KMT2C: variants seen among roughly 807,000 people sequenced by gnomAD.
KMT2C encodes lysine methyltransferase 2C.
Under a neutral mutation model 507.9 loss-of-function variants are expected in KMT2C, and 88 were observed. The observed-to-expected ratio is 0.17, with a 90% CI of 0.15 to 0.21. The LOEUF (loss-of-function observed/expected upper bound fraction) is 0.21. KMT2C is among the 10% of genes least tolerant of loss of function. KMT2C has a pLI of 1.00. For synonymous variants in KMT2C, 2,049 were observed against 2,080.8 expected (o/e 0.98, Z 0.42); for missense variants, 4,954 against 5,957.8 (o/e 0.83, Z 5.55).
At chr7:152,279,341 C>T (rs968887399) in intron 6 of KMT2C, among the ~76,000 whole-genome samples, 1 of 152,034 alleles carries the variant, frequency 6.6e-6, no homozygotes, top group Admixed American at 6.5e-5. Context: ...TAGCTTCAAA[C>T]ATGCAAAACT....
intron 4 of KMT2C, among the ~76,000 whole-genome samples, chr7:152,313,896 A>AC (rs1191134179): frequency 6.6e-6 from 1 of 152,134 alleles, no homozygotes. Flanking sequence ...AGGAAATGAA[A>AC]CCAATTCCAT....
chr7:152,200,953 C>T (rs1246908177), intron 26 of KMT2C, among the ~76,000 whole-genome samples: 1 of 152,034 alleles, frequency 6.6e-6, no homozygotes, highest in Non-Finnish European at 1.5e-5. Context: ...ATTCACAAAA[C>T]TAGAATACCA....
rs189176810 is a variant in KMT2C, at chr7:152,316,403, A to G, written c.390-1065T>C. On this transcript the variant is annotated intron_variant, in intron 3 of 58. Transcript: ENST00000262189. Reference sequence around the variant, plus strand: ...GTAAACCTAAAAATGCTCTAAGTCTATTAATAAAAAAGGAGAAAACATTAA... The same window carrying G: ...GTAAACCTAAAAATGCTCTAAGTCTGTTAATAAAAAAGGAGAAAACATTAA... Among the ~76,000 whole-genome samples, 328 of 152,308 alleles carry G rather than the reference A, an allele frequency of 2.2e-3. 3 individuals are homozygous for G. The highest frequency in any genetic ancestry group is 0.01 in the Middle Eastern group (3 of 294).
intron 13 of KMT2C, among the ~76,000 whole-genome samples, 197 bp downstream of exon 13, chr7:152,249,673 CAAAAAA>C (rs1183345172): frequency 0.015 from 522 of 34,524 alleles, 12 homozygotes; most frequent in African/African-American, 0.033. Context: ...CTCCCCCCTC[CAAAAAA>C]AAAAAAAAAA....
At chr7:152,185,220 T>C (rs1489576610) in intron 34 of KMT2C, among the ~76,000 whole-genome samples, 2 of 152,218 alleles carry the variant, frequency 1.3e-5, no homozygotes, top group Non-Finnish European at 2.9e-5. Context: ...CCATGGTTGG[T>C]TGAATCCACA....
chr7:152,277,486 A>T (rs2096104857), intron 6 of KMT2C, among the ~76,000 whole-genome samples: 1 of 152,220 alleles, frequency 6.6e-6, no homozygotes, highest in South Asian at 2.1e-4. Flanking sequence ...CATTTAATTA[A>T]GCATAATCCT....
At chr7:152,375,948 GT>G (rs2097326117) in intron 1 of KMT2C, among the ~76,000 whole-genome samples, 1 of 152,002 alleles carries the variant, frequency 6.6e-6, no homozygotes, top group African/African-American at 2.4e-5. Context: ...TCATCGGTAG[GT>G]GGGACAACAG....
At chr7:152,226,160 A>G (rs941494076) in intron 18 of KMT2C, among the ~76,000 whole-genome samples, 1 of 149,224 alleles carries the variant, frequency 6.7e-6, no homozygotes, top group East Asian at 2.1e-4. Flanking sequence ...AAAGATTAAA[A>G]GCGACTGCCT....
At chr7:152,155,829 G>A in intron 46 of KMT2C, 81 bp downstream of exon 46, 1 of 1,335,168 alleles carries the variant, frequency 7.5e-7, no homozygotes, top group South Asian at 1.4e-5. Context: ...TATTCCTAAA[G>A]ACATTATGCC....
intron 3 of KMT2C, among the ~76,000 whole-genome samples, chr7:152,321,724 G>GA (rs2096774659): frequency 6.6e-6 from 1 of 151,744 alleles, no homozygotes; most frequent in Non-Finnish European, 1.5e-5. Flanking sequence ...GGAGGTAAAA[G>GA]ACCTGTATAC....
intron 6 of KMT2C, among the ~76,000 whole-genome samples, chr7:152,279,010 T>A (rs372600705): frequency 6.6e-6 from 1 of 152,214 alleles, no homozygotes; most frequent in African/African-American, 2.4e-5. Flanking sequence ...GAAAACATTC[T>A]ATTCAAATAT....
At chr7:152,330,858 T>C in intron 2 of KMT2C, 119 bp from the exon 3 acceptor site, 1 of 934,834 alleles carries the variant, frequency 1.1e-6, no homozygotes, top group Non-Finnish European at 1.6e-6. Context: ...TAACAATATT[T>C]CACTAACACA....
At chr7:152,368,390 C>A (rs1379139718) in intron 1 of KMT2C, 1 of 1,106,250 alleles carries the variant, frequency 9.0e-7, no homozygotes, top group Non-Finnish European at 1.3e-6. Flanking sequence ...AGGGAGTATG[C>A]AGCTAAAATG....
chr7:152,395,769 C>T (rs567464180), intron 1 of KMT2C, among the ~76,000 whole-genome samples: 3 of 152,226 alleles, frequency 2.0e-5, no homozygotes, highest in South Asian at 4.1e-4. Context: ...CAGCCTCAGG[C>T]GTGAACCACC....
intron 33 of KMT2C, among the ~76,000 whole-genome samples, chr7:152,186,055 A>T (rs2093617392): frequency 6.6e-6 from 1 of 152,224 alleles, no homozygotes; most frequent in Non-Finnish European, 1.5e-5. Flanking sequence ...TTTGTGGACA[A>T]CAAACACATG....
At chr7:152,338,162 C>T (rs1477193370) in intron 2 of KMT2C, among the ~76,000 whole-genome samples, 1 of 152,108 alleles carries the variant, frequency 6.6e-6, no homozygotes, top group Non-Finnish European at 1.5e-5. Flanking sequence ...CCAGCCCTCA[C>T]CTACTCAATT....
intron 14 of KMT2C, among the ~76,000 whole-genome samples, chr7:152,241,890 T>A (rs2095393618): frequency 1.3e-5 from 2 of 152,232 alleles, no homozygotes; most frequent in Non-Finnish European, 2.9e-5. Flanking sequence ...TTATTCATCA[T>A]AATTTAAAAG....
chr7:152,220,890 C>G (rs1232722119), intron 22 of KMT2C, among the ~76,000 whole-genome samples, 155 bp from the exon 23 acceptor site: 1 of 152,030 alleles, frequency 6.6e-6, no homozygotes, highest in Non-Finnish European at 1.5e-5. Flanking sequence ...TTCATGATAC[C>G]CAATAAAAAC....
intron 2 of KMT2C, among the ~76,000 whole-genome samples, chr7:152,332,227 CT>C (rs1232191308): frequency 2.6e-5 from 4 of 152,126 alleles, no homozygotes; most frequent in Admixed American, 6.6e-5. Context: ...ACCACTACCC[CT>C]AACATCATTC....
Sources: gnomAD v4.1 joint callset for allele counts (sites outside exome capture counted in the v4.1 genomes callset) on GRCh38, gnomAD v4.1.1 for gene constraint, MANE v1.5 for transcripts, NCBI Gene and HGNC (gene_info 2026-07-23, HGNC 2026-07-21) for gene names.